The following MYT1L variants were observed in gnomAD, a reference collection of about 807,000 sequenced individuals.
MYT1L encodes myelin transcription factor 1-like protein.
MYT1L carries 12 observed loss-of-function variants against 126.7 expected under a neutral mutation model. The ratio of observed to expected loss-of-function variants is 0.09; its 90% CI spans 0.06 to 0.15. MYT1L has a LOEUF of 0.15. Ranked by LOEUF, MYT1L falls within the 10% of genes least tolerant of loss-of-function variation. The pLI, the probability that MYT1L is intolerant of heterozygous loss-of-function variation, is 1.00. For missense variants in MYT1L, 979 were observed against 1,585.2 expected (o/e 0.62, Z 6.49); for synonymous variants, 541 against 604.2 (o/e 0.90, Z 1.53).
At position 1,929,550 on chromosome 2, in the gene MYT1L, C is replaced by G. The variant is rs1254025529; in HGVS notation, c.506-6287G>C. On this transcript the variant is annotated intron_variant, in intron 9 of 24. Coordinates refer to ENST00000647738, the MANE Select transcript of MYT1L (RefSeq NM_001303052.2). This position sits in a 1 kb window ranked among gnomAD's most constrained non-coding sequence, Gnocchi z 4.7. ...TACTACATCTAACTCAGCAGTGCTT[C>G]TGTGTGTCTTATTTCCAGTATCATA... is the stretch of plus-strand genomic sequence containing the variant. Among the ~76,000 whole-genome samples, 1 of 152,226 alleles carries G rather than the reference C, an allele frequency of 6.6e-6. No homozygotes were observed. Among genetic ancestry groups the G allele is most frequent in the Non-Finnish European group, 1.5e-5 (1 of 68,042 alleles).
At chr2:2,095,971 C>T (rs1444422750) in intron 3 of MYT1L, among the ~76,000 whole-genome samples, 12 of 152,102 alleles carry the variant, frequency 7.9e-5, no homozygotes, top group East Asian at 1.9e-4. Context: ...AACGTGGACA[C>T]GCGTGGGATG....
rs191933241 is a variant in MYT1L at position 1,846,281 on chromosome 2, C to T, written c.2774+5360G>A. Among the ~76,000 whole-genome samples, 1,210 of 152,278 alleles carry T rather than the reference C, an allele frequency of 7.9e-3. 5 individuals carry two copies. The highest frequency in any genetic ancestry group is 0.02 in the Middle Eastern group (6 of 294). ...CTTAGTTATCACTGTTCCTTAGCCTCGGGGACAGACTACGTACTCAAATAG... is the reference window on the plus strand; with the variant it reads ...CTTAGTTATCACTGTTCCTTAGCCTTGGGGACAGACTACGTACTCAAATAG... On this transcript the variant is annotated intron_variant, in intron 19 of 24. Coordinates refer to ENST00000647738, the MANE Select transcript of MYT1L (RefSeq NM_001303052.2).
At position 1,911,898 on chromosome 2, in the gene MYT1L, T is replaced by G. The variant is rs1469533369; in HGVS notation, c.1709+122A>C. The stretch of plus-strand genomic sequence containing the variant: ...TTCACTCCCGTGCATTATATGGAGG[T>G]GCCCGCACTTGGGGAGCACGGTGGG... On this transcript the variant is annotated intron_variant, in intron 12 of 24. Coordinates refer to ENST00000647738, the MANE Select transcript of MYT1L (RefSeq NM_001303052.2). The G allele has an allele frequency of 4.7e-6, 3 of 636,936 alleles. No individual in the cohort carries two copies. The Admixed American group carries it at 9.9e-5, about 21-fold the overall frequency. The allele number at this position is 636,936 out of a possible 1,614,324, so 39.5% of individuals were successfully genotyped here.
At chr2:1,846,114 C>T (rs2042459737) in intron 19 of MYT1L, among the ~76,000 whole-genome samples, 1 of 152,238 alleles carries the variant, frequency 6.6e-6, no homozygotes, top group Admixed American at 6.5e-5. Context: ...ACCTGGAGGC[C>T]TCAAGGCCAC....
chr2:1,857,046 C>T (rs956323844), intron 18 of MYT1L, among the ~76,000 whole-genome samples: 6 of 152,186 alleles, frequency 3.9e-5, no homozygotes, highest in African/African-American at 1.2e-4. Context: ...GGCCACAGGC[C>T]TGGGAGGCAG....
At chr2:2,164,706 T>C (rs532860974) in intron 3 of MYT1L, among the ~76,000 whole-genome samples, 1 of 152,316 alleles carries the variant, frequency 6.6e-6, no homozygotes, top group South Asian at 2.1e-4. Flanking sequence ...GCAACGTGCT[T>C]TCAGGGCATA....
At chr2:2,324,158 A>G (rs1160049874) in intron 1 of MYT1L, 1 of 152,204 alleles carries the variant, frequency 6.6e-6, no homozygotes, top group African/African-American at 2.4e-5. Flanking sequence ...CAGGGAGCAC[A>G]GGACATATTT....
intron 3 of MYT1L, among the ~76,000 whole-genome samples, chr2:2,106,315 A>C (rs1210270988): frequency 6.6e-6 from 1 of 152,232 alleles, no homozygotes; most frequent in Non-Finnish European, 1.5e-5. Context: ...GAGGGCCCTG[A>C]TTAAAATGAA....
intron 2 of MYT1L, among the ~76,000 whole-genome samples, chr2:2,236,814 C>T (rs954867086): frequency 0.051 from 351 of 6,890 alleles, 3 homozygotes; most frequent in Non-Finnish European, 0.064. Flanking sequence ...TCTTCTTCTT[C>T]TTTTTTTTTT....
intron 8 of MYT1L, among the ~76,000 whole-genome samples, chr2:1,966,286 GA>G (rs2059349916): frequency 6.6e-6 from 1 of 152,200 alleles, no homozygotes; most frequent in East Asian, 1.9e-4. Context: ...CTTTCTTCCA[GA>G]ATTTTCTAGC....
chr2:1,900,913 T>C (rs1558329170), intron 14 of MYT1L, among the ~76,000 whole-genome samples: 6 of 152,204 alleles, frequency 3.9e-5, no homozygotes, highest in Admixed American at 3.9e-4. Context: ...GGGAATGCGA[T>C]GATCAATGCC....
At chr2:1,792,268 G>A in intron 24 of MYT1L, 53 bp downstream of exon 24, 1 of 1,543,072 alleles carries the variant, frequency 6.5e-7, no homozygotes, top group Non-Finnish European at 8.8e-7. Context: ...TCTACTTTAG[G>A]CTGTGCGCTG....
chr2:1,927,672 G>A (rs2054413987), intron 9 of MYT1L, among the ~76,000 whole-genome samples: 1 of 152,174 alleles, frequency 6.6e-6, no homozygotes, highest in Non-Finnish European at 1.5e-5. Flanking sequence ...AGCCACAGGA[G>A]GGGACTGTAC....
At chr2:2,290,654 G>A (rs10190125) in intron 1 of MYT1L, among the ~76,000 whole-genome samples, 51,028 of 152,058 alleles carry the variant, frequency 0.34, 8,967 homozygotes, top group South Asian at 0.49. Context: ...ATGCTCTGAC[G>A]TAGAGGCAGG....
rs978067712 is a variant in MYT1L, at chr2:2,224,524, A to C, written c.-420-51536T>G. Among the ~76,000 whole-genome samples, 4 of 152,192 alleles carry C rather than the reference A, an allele frequency of 2.6e-5. No individual in the cohort carries two copies. The East Asian group carries it at 7.7e-4, about 29-fold the overall frequency. ...GCCATAACTATTTTTCCCATTAAGA[A>C]AATAAATGTTTCAGGCTGGGCACGG... On this transcript the variant is annotated intron_variant, in intron 2 of 24. Coordinates refer to ENST00000647738, the MANE Select transcript of MYT1L (RefSeq NM_001303052.2). This position sits in a 1 kb window ranked among gnomAD's most constrained non-coding sequence, Gnocchi z 4.0.
chr2:2,316,275 A>T (rs765140638), intron 1 of MYT1L, among the ~76,000 whole-genome samples: 1 of 152,192 alleles, frequency 6.6e-6, no homozygotes, highest in Non-Finnish European at 1.5e-5. Flanking sequence ...TGGTGAGAAC[A>T]TGCCATCGGC....
Position 1,910,141 on chromosome 2 carries a change from G to T in MYT1L, c.1817+99C>A. On this transcript the variant is annotated intron_variant, in intron 13 of 24. Coordinates refer to ENST00000647738, the MANE Select transcript of MYT1L (RefSeq NM_001303052.2). This position sits in a 1 kb window ranked among gnomAD's most constrained non-coding sequence, Gnocchi z 4.8. ...GCCCCGCCCTCCAGTCCCTGCCCCT[G>T]CTGCTGTAGGGACATGCCCTGAGCG... 2 of 1,102,658 alleles carry T rather than the reference G, an allele frequency of 1.8e-6. No homozygotes were observed. Among genetic ancestry groups the T allele is most frequent in the Non-Finnish European group, 2.6e-6 (2 of 756,144 alleles). The allele number at this position is 1,102,658 out of a possible 1,614,324, so 68.3% of individuals were successfully genotyped here. A position where few individuals can be genotyped will look rare whatever the true frequency, so the allele number is the denominator to read the frequency against.
At chr2:2,198,829 G>A (rs2092935861) in intron 2 of MYT1L, among the ~76,000 whole-genome samples, 1 of 152,106 alleles carries the variant, frequency 6.6e-6, no homozygotes, top group African/African-American at 2.4e-5. Context: ...CTGGGCGACA[G>A]AGCGAGACTC....
chr2:2,048,377 T>C (rs2068432410), intron 4 of MYT1L, among the ~76,000 whole-genome samples: 1 of 152,230 alleles, frequency 6.6e-6, no homozygotes, highest in Non-Finnish European at 1.5e-5. Context: ...GAAAGTTTCC[T>C]ACTTCTGTTC....
Sources: gnomAD v4.1 joint callset for allele counts (sites outside exome capture counted in the v4.1 genomes callset) on GRCh38, gnomAD v4.1.1 for gene constraint, Gnocchi (gnomAD v3.1) non-coding constraint, MANE v1.5 for transcripts, NCBI Gene and HGNC (gene_info 2026-07-23, HGNC 2026-07-21) for gene names.